ENTREP2: variants seen among roughly 807,000 people sequenced by gnomAD.
The protein encoded by ENTREP2 is protein ENTREP2.
At chr15:29,412,163 C>T in the ENTREP2 span, among the ~76,000 whole-genome samples, 223 of 151,854 alleles carry the variant, frequency 1.5e-3, 1 homozygote, top group African/African-American at 5.2e-3. Context: ...AAAAAAAAAA[C>T]AGCCATCTTC....
At chr15:29,170,599 A>AGT in the ENTREP2 span, among the ~76,000 whole-genome samples, 11 of 148,638 alleles carry the variant, frequency 7.4e-5, no homozygotes, top group South Asian at 6.3e-4. Flanking sequence ...TGTGTGTGTG[A>AGT]GTGTGTGTGT....
chr15:29,222,705 C>T, the ENTREP2 span, among the ~76,000 whole-genome samples: 1 of 152,170 alleles, frequency 6.6e-6, no homozygotes, highest in South Asian at 2.1e-4. Context: ...CAGGGGCCTG[C>T]TTCAGTCTCC....
the ENTREP2 span, among the ~76,000 whole-genome samples, chr15:29,521,861 A>ACAC: frequency 6.6e-6 from 1 of 151,262 alleles, no homozygotes; most frequent in South Asian, 2.1e-4. Context: ...CATACACTTA[A>ACAC]ACACACACAC....
chr15:29,353,561 T>A, the ENTREP2 span, among the ~76,000 whole-genome samples: 60 of 152,180 alleles, frequency 3.9e-4, no homozygotes, highest in Admixed American at 6.5e-4. Flanking sequence ...ACTGACTGCA[T>A]TTACTGTGTG....
the ENTREP2 span, among the ~76,000 whole-genome samples, chr15:29,584,993 C>CAATG: frequency 1.3e-5 from 1 of 74,950 alleles, no homozygotes; most frequent in African/African-American, 4.9e-5. Context: ...ACTCAAAGAT[C>CAATG]GATGGATAGA....
At chr15:29,653,854 A>AT in the ENTREP2 span, among the ~76,000 whole-genome samples, 2 of 151,820 alleles carry the variant, frequency 1.3e-5, no homozygotes, top group Non-Finnish European at 2.9e-5. Context: ...TTACCAGGGC[A>AT]TTTTCCATCT....
chr15:29,159,210 C>T, the ENTREP2 span, among the ~76,000 whole-genome samples: 1 of 151,832 alleles, frequency 6.6e-6, no homozygotes, highest in South Asian at 2.1e-4. Context: ...TCTCGCTGGC[C>T]TAGGAGTGAA....
chr15:29,392,155 G>C, the ENTREP2 span, among the ~76,000 whole-genome samples: 1 of 150,912 alleles, frequency 6.6e-6, no homozygotes, highest in Admixed American at 6.6e-5. Flanking sequence ...GTGGAGAAGG[G>C]GTTTCACCAT....
chr15:29,583,530 A>G, the ENTREP2 span, among the ~76,000 whole-genome samples: 1 of 152,304 alleles, frequency 6.6e-6, no homozygotes, highest in East Asian at 1.9e-4. Flanking sequence ...AAGAGCTAAT[A>G]CATGCTGGGC....
the ENTREP2 span, chr15:29,269,299 T>C: frequency 6.2e-7 from 1 of 1,614,204 alleles, no homozygotes; most frequent in Non-Finnish European, 8.5e-7. Flanking sequence ...CCCGAAGACG[T>C]ACTGGAGGCG....
At chr15:29,576,702 T>G in the ENTREP2 span, among the ~76,000 whole-genome samples, 1 of 152,244 alleles carries the variant, frequency 6.6e-6, no homozygotes, top group African/African-American at 2.4e-5. Flanking sequence ...ACGAGTGTCC[T>G]GTGAACACCT....
the ENTREP2 span, among the ~76,000 whole-genome samples, chr15:29,406,867 C>T: frequency 6.6e-6 from 1 of 152,122 alleles, no homozygotes; most frequent in African/African-American, 2.4e-5. Flanking sequence ...TAGCAACAAC[C>T]CACCTTTTGA....
At chr15:29,371,233 C>T in the ENTREP2 span, among the ~76,000 whole-genome samples, 1 of 152,004 alleles carries the variant, frequency 6.6e-6, no homozygotes, top group Non-Finnish European at 1.5e-5. Flanking sequence ...TCTTGCCAGT[C>T]AGCACAACAG....
the ENTREP2 span, among the ~76,000 whole-genome samples, chr15:29,172,543 A>C: frequency 6.6e-6 from 1 of 151,996 alleles, no homozygotes; most frequent in Admixed American, 6.6e-5. Context: ...CCATTGCTGG[A>C]GTGCAATAAG....
chr15:29,580,774 T>A, the ENTREP2 span, among the ~76,000 whole-genome samples: 1 of 152,184 alleles, frequency 6.6e-6, no homozygotes, highest in Non-Finnish European at 1.5e-5. Flanking sequence ...TATGGTATAA[T>A]AACTGAGAAG....
chr15:29,470,513 C>A, the ENTREP2 span, among the ~76,000 whole-genome samples: 1 of 152,238 alleles, frequency 6.6e-6, no homozygotes, highest in Non-Finnish European at 1.5e-5. Context: ...CTCGGACAAC[C>A]AGGGCCCATC....
the ENTREP2 span, chr15:29,570,051 A>AC: frequency 4.4e-3 from 260 of 58,636 alleles, 5 homozygotes; most frequent in African/African-American, 0.017. Context: ...CCCCCACCCC[A>AC]CCCCCCACCC....
the ENTREP2 span, among the ~76,000 whole-genome samples, chr15:29,624,181 A>T: frequency 6.6e-6 from 1 of 152,196 alleles, no homozygotes; most frequent in Non-Finnish European, 1.5e-5. Flanking sequence ...TCTATATCCT[A>T]TGATAGTTAT....
At chr15:29,555,494 C>G in the ENTREP2 span, among the ~76,000 whole-genome samples, 3 of 152,120 alleles carry the variant, frequency 2.0e-5, no homozygotes, top group Admixed American at 6.5e-5. Context: ...AAGTATTAAA[C>G]TGTTAAAATA....
Sources: allele counts gnomAD v4.1 joint callset (sites outside exome capture counted in the v4.1 genomes callset), GRCh38; gene constraint gnomAD v4.1.1; transcripts MANE v1.5; gene names NCBI Gene and HGNC (gene_info 2026-07-23, HGNC 2026-07-21).